Variants in COL19A1 observed in about 807,000 individuals in gnomAD.
COL19A1 encodes collagen alpha-1(XIX) chain.
A neutral mutation model predicts 190.2 loss-of-function variants in COL19A1; 159 were observed. The observed-to-expected ratio is 0.84, with a 90% confidence interval of 0.73 to 0.95. COL19A1 has a LOEUF of 0.95. Among genes scored for constraint, COL19A1 ranks in the 40% least tolerant of loss-of-function variants. The probability of loss-of-function intolerance (pLI) is 0.00; values close to 1 mark genes in which losing one functional copy is unlikely to be tolerated. For missense variants in COL19A1, 1,418 were observed against 1,431.9 expected (o/e 0.99, Z 0.16); for synonymous variants, 509 against 458.9 (o/e 1.11, Z -1.39).
At chr6:70,157,594 A>T (rs373015538) in intron 34 of COL19A1, among the ~76,000 whole-genome samples, 3 of 152,096 alleles carry the variant, frequency 2.0e-5, no homozygotes, top group East Asian at 3.9e-4. Context: ...TTTCTAATTA[A>T]TATTGCTTGT....
chr6:70,037,700 A>T (rs1331252114), intron 14 of COL19A1, among the ~76,000 whole-genome samples: 1 of 152,214 alleles, frequency 6.6e-6, no homozygotes, highest in Non-Finnish European at 1.5e-5. Flanking sequence ...TGCAATCTAC[A>T]TATATTATTT....
In COL19A1 at chr6:70,165,997, T is replaced by C; in HGVS notation, c.2445+12T>C. On this transcript the variant is annotated intron_variant, in intron 37 of 50. Transcript: ENST00000620364. ...CACCTGGACCACCTGTGAGTTGTTC[T>C]AGGCTTAAAATTTAAAATTCATGTG... is the stretch of plus-strand genomic sequence containing the variant. 2 of 1,612,818 alleles carry C rather than the reference T, an allele frequency of 1.2e-6. No individual in the cohort carries two copies. Among genetic ancestry groups the C allele is most frequent in the South Asian group, 1.1e-5 (1 of 91,028 alleles).
At chr6:70,080,680 C>T (rs757841983) in intron 15 of COL19A1, among the ~76,000 whole-genome samples, 3 of 152,132 alleles carry the variant, frequency 2.0e-5, no homozygotes, top group Non-Finnish European at 2.9e-5. Context: ...GCAACTTTCA[C>T]GTTTTATGTC....
chr6:69,884,355 A>AT (rs1768770314), intron 2 of COL19A1, among the ~76,000 whole-genome samples: 1 of 151,914 alleles, frequency 6.6e-6, no homozygotes, highest in African/African-American at 2.4e-5. Context: ...AAAAAAAAAA[A>AT]GTATCAGACC....
intron 5 of COL19A1, among the ~76,000 whole-genome samples, 153 bp downstream of exon 5, chr6:69,928,185 G>A (rs769201804): frequency 3.9e-5 from 6 of 151,902 alleles, no homozygotes; most frequent in African/African-American, 1.2e-4. Context: ...AAGTATTCTC[G>A]TAGTTAGGAT....
intron 11 of COL19A1, among the ~76,000 whole-genome samples, chr6:70,019,092 G>A (rs1778275874): frequency 6.6e-6 from 1 of 152,068 alleles, no homozygotes; most frequent in Non-Finnish European, 1.5e-5. Flanking sequence ...AGGGGCATAT[G>A]GTAGAAGATG....
intron 17 of COL19A1, among the ~76,000 whole-genome samples, chr6:70,122,868 A>C (rs1027205968): frequency 1.3e-5 from 2 of 152,204 alleles, no homozygotes; most frequent in Non-Finnish European, 2.9e-5. Flanking sequence ...ATAAAGACTT[A>C]GATAATTTAT....
intron 14 of COL19A1, among the ~76,000 whole-genome samples, chr6:70,036,728 C>T (rs967872950): frequency 2.0e-5 from 3 of 151,818 alleles, no homozygotes; most frequent in Non-Finnish European, 2.9e-5. Flanking sequence ...TTGATGTTAC[C>T]TAGTGAGATA....
chr6:69,921,890 A>T (rs908646859), intron 4 of COL19A1, among the ~76,000 whole-genome samples: 2 of 151,932 alleles, frequency 1.3e-5, no homozygotes, highest in Non-Finnish European at 2.9e-5. Context: ...GATCAGCGAT[A>T]TTTTTCTTAC....
At chr6:70,036,925 CATT>C in intron 14 of COL19A1, among the ~76,000 whole-genome samples, 1 of 152,102 alleles carries the variant, frequency 6.6e-6, no homozygotes, top group African/African-American at 2.4e-5. Flanking sequence ...ATGAAAAATA[CATT>C]AATAATGTCT....
At chr6:70,131,331 G>C (rs1490596598) in intron 18 of COL19A1, 3 of 191,980 alleles carry the variant, frequency 1.6e-5, no homozygotes, top group Admixed American at 6.1e-5. Context: ...TATGACTTCT[G>C]TGTCTTATAA....
intron 12 of COL19A1, among the ~76,000 whole-genome samples, chr6:70,031,782 A>T (rs1303182759): frequency 2.0e-5 from 3 of 152,074 alleles, no homozygotes; most frequent in African/African-American, 7.2e-5. Context: ...CCACACAAGG[A>T]CCATTTCTGA....
intron 15 of COL19A1, among the ~76,000 whole-genome samples, chr6:70,074,568 C>T (rs972007060): frequency 1.3e-5 from 2 of 150,816 alleles, no homozygotes; most frequent in African/African-American, 4.9e-5. Flanking sequence ...TTCCAAGTTA[C>T]CAACTTCACA....
At chr6:69,882,447 G>C (rs1232174896) in intron 2 of COL19A1, among the ~76,000 whole-genome samples, 4 of 152,138 alleles carry the variant, frequency 2.6e-5, no homozygotes, top group African/African-American at 9.6e-5. Flanking sequence ...TACAATGCTA[G>C]AAAATCTCAA....
chr6:69,909,759 A>C (rs1292130125), intron 4 of COL19A1, among the ~76,000 whole-genome samples: 3 of 152,186 alleles, frequency 2.0e-5, no homozygotes, highest in Non-Finnish European at 4.4e-5. Context: ...AAGAACTGAT[A>C]TACGATTTTC....
At chr6:70,195,692 C>T (rs567686135) in intron 48 of COL19A1, among the ~76,000 whole-genome samples, 7 of 152,282 alleles carry the variant, frequency 4.6e-5, no homozygotes, top group African/African-American at 1.7e-4. Context: ...ATCAGTGCTC[C>T]TTATTTTAGT....
At chr6:69,875,021 A>G (rs1356381531) in intron 1 of COL19A1, among the ~76,000 whole-genome samples, 2 of 152,252 alleles carry the variant, frequency 1.3e-5, no homozygotes, top group African/African-American at 4.8e-5. Context: ...CAAGACAGAT[A>G]TAGTCCCTGC....
intron 44 of COL19A1, among the ~76,000 whole-genome samples, chr6:70,183,520 A>G (rs1222412084): frequency 6.6e-6 from 1 of 152,200 alleles, no homozygotes; most frequent in Non-Finnish European, 1.5e-5. Context: ...CTCTAGATTT[A>G]TCTTCTCTTA....
At chr6:70,189,072 A>G (rs999784547) in intron 47 of COL19A1, among the ~76,000 whole-genome samples, 1 of 152,222 alleles carries the variant, frequency 6.6e-6, no homozygotes, top group African/African-American at 2.4e-5. Flanking sequence ...CATTAATGAA[A>G]TAGAGCATTC....
Sources: allele counts gnomAD v4.1 joint callset (sites outside exome capture counted in the v4.1 genomes callset), GRCh38; gene constraint gnomAD v4.1.1; transcripts MANE v1.5; gene names NCBI Gene and HGNC (gene_info 2026-07-23, HGNC 2026-07-21).